The following CSGALNACT1 variants were observed in gnomAD, a reference collection of about 807,000 sequenced individuals.
The protein encoded by CSGALNACT1 is chondroitin sulfate N-acetylgalactosaminyltransferase 1, also known as beta4GalNAcT-1.
In CSGALNACT1, 52 loss-of-function variants were observed where a neutral mutation model predicts 51.0. The ratio of observed to expected loss-of-function variants is 1.02; its 90% CI spans 0.82 to 1.29. The LOEUF is 1.29. Among genes scored for constraint, CSGALNACT1 ranks in the 50% most tolerant of loss-of-function variants. CSGALNACT1 has a pLI of 0.00. For synonymous variants in CSGALNACT1, 341 were observed against 254.4 expected (o/e 1.34, Z -3.24); for missense variants, 935 against 679.2 (o/e 1.38, Z -4.19).
chr8:19,666,760 GAAGAAAGAAAGAAAGAAAGA>G (rs560533569), intron 1 of CSGALNACT1, among the ~76,000 whole-genome samples: 566 of 56,502 alleles, frequency 0.01, 8 homozygotes, highest in Non-Finnish European at 0.012. Context: ...AAGAAAGAAA[GAAGAAAGAAAGAAAGAAAGA>G]AAGAAAGAAA....
At chr8:19,522,662 G>A (rs534306763) in intron 3 of CSGALNACT1, among the ~76,000 whole-genome samples, 125 of 152,320 alleles carry the variant, frequency 8.2e-4, no homozygotes, top group African/African-American at 2.9e-3. Context: ...AGGACTCTGG[G>A]TACACCTTGG....
intron 1 of CSGALNACT1, among the ~76,000 whole-genome samples, chr8:19,661,199 C>T (rs560620477): frequency 6.6e-6 from 1 of 152,218 alleles, no homozygotes; most frequent in South Asian, 2.1e-4. Context: ...GAGGCGTAAG[C>T]CACCACTCCC....
intron 3 of CSGALNACT1, among the ~76,000 whole-genome samples, chr8:19,542,764 C>T (rs529143997): frequency 6.6e-5 from 10 of 152,076 alleles, no homozygotes; most frequent in East Asian, 5.8e-4. Flanking sequence ...ATAGCTGTCA[C>T]GCAAAACAAA....
intron 1 of CSGALNACT1, among the ~76,000 whole-genome samples, chr8:19,727,117 T>C (rs1342150863): frequency 6.6e-6 from 1 of 152,146 alleles, no homozygotes; most frequent in African/African-American, 2.4e-5. Flanking sequence ...GCACCCGACC[T>C]GCTTTTCAAT....
At position 19,406,292 on chromosome 8, in the gene CSGALNACT1, G is replaced by A. The variant is rs147625290; in HGVS notation, c.1310-223C>T. 2.0e-5 allele frequency among the ~76,000 whole-genome samples: 3 copies of A among 151,890 alleles called. No homozygotes were observed. The East Asian group carries it at 5.8e-4, about 30-fold the overall frequency. ...CAGCACCGACTTCTTCAGATGACAG[G>A]ACCTCCAAGAAAATTCCAAGCATTT... On this transcript the variant is annotated intron_variant, in intron 9 of 9. Transcript: ENST00000454498.
In CSGALNACT1 at chr8:19,624,322, T is replaced by C. The variant is rs139446918; in HGVS notation, c.-543-22457A>G. ...AAAAATATTCTGGATTTAAAAAATT[T>C]TGTATTCTCCACCAGTGAAGATCTC... is the stretch of plus-strand genomic sequence containing the variant. On this transcript the variant is annotated intron_variant, in intron 1 of 9. Transcript: ENST00000332246. 6.6e-5 allele frequency among the ~76,000 whole-genome samples: 10 copies of C among 152,358 alleles called. No homozygotes were observed. The East Asian group carries it at 1.9e-3, about 29-fold the overall frequency.
At chr8:19,686,702 A>T (rs779812093), upstream of CSGALNACT1, among the ~76,000 whole-genome samples, 2 of 152,224 alleles carry the variant, frequency 1.3e-5, no homozygotes, top group Non-Finnish European at 2.9e-5. Context: ...GTGCCTAGAT[A>T]GGATAAAATA....
chr8:19,549,468 A>T (rs111618137), intron 3 of CSGALNACT1, among the ~76,000 whole-genome samples: 1 of 152,100 alleles, frequency 6.6e-6, no homozygotes, highest in Non-Finnish European at 1.5e-5. Context: ...CTGATAGATA[A>T]ACAATTAGGT....
Position 19,608,230 on chromosome 8 carries a change from C to G in CSGALNACT1, c.-543-6365G>C, listed in dbSNP as rs114532711. 9.9e-3 allele frequency among the ~76,000 whole-genome samples: 1,512 copies of G among 152,250 alleles called. 22 individuals are homozygous for G. The highest frequency in any genetic ancestry group is 0.034 in the African/African-American group (1,415 of 41,536). Reference sequence around the variant, plus strand: ...GAATAGCTCGTCTAGGATGCATGATCCCAGGCAACAGGGACACCTATACGG... The same window carrying G: ...GAATAGCTCGTCTAGGATGCATGATGCCAGGCAACAGGGACACCTATACGG... On this transcript the variant is annotated intron_variant, in intron 1 of 9. Transcript: ENST00000332246.
intron 3 of CSGALNACT1, among the ~76,000 whole-genome samples, chr8:19,543,788 CTG>C (rs1464900082): frequency 1.3e-5 from 2 of 152,126 alleles, no homozygotes; most frequent in Non-Finnish European, 2.9e-5. Flanking sequence ...TTAATAATAA[CTG>C]TAAGTGCAAC....
chr8:19,437,334 G>A (rs535394175), intron 6 of CSGALNACT1, among the ~76,000 whole-genome samples: 1 of 152,260 alleles, frequency 6.6e-6, no homozygotes, highest in African/African-American at 2.4e-5. Context: ...CTCCCAGTTT[G>A]GCTAGGGAGC....
At chr8:19,446,182 A>G (rs546355653) in intron 5 of CSGALNACT1, among the ~76,000 whole-genome samples, 4 of 152,304 alleles carry the variant, frequency 2.6e-5, no homozygotes, top group East Asian at 1.9e-4. Context: ...CTCAAAATAA[A>G]TAAGTAAGTA....
chr8:19,643,685 T>G (rs1157880167), intron 1 of CSGALNACT1, among the ~76,000 whole-genome samples: 1 of 151,876 alleles, frequency 6.6e-6, no homozygotes, highest in Non-Finnish European at 1.5e-5. Context: ...AGTGAAAATG[T>G]TAATACACAG....
rs550761550 is a variant in CSGALNACT1, at chr8:19,755,703, A to G, written c.-297+2147T>C. Among the ~76,000 whole-genome samples the G allele has an allele frequency of 2.0e-4, 31 of 152,338 alleles. No homozygotes were observed. In the South Asian group the frequency reaches 4.1e-3, roughly 20 times the overall value. On this transcript the variant is annotated intron_variant, in intron 1 of 1. Transcript: ENST00000517494. Reference sequence around the variant, plus strand: ...CAGGTCTCTGGAACAGCAAAGACACAAGCTCACTGCACTGTAATGTAAACG... The same window carrying G: ...CAGGTCTCTGGAACAGCAAAGACACGAGCTCACTGCACTGTAATGTAAACG...
At chr8:19,511,237 G>T (rs1289657768) in intron 3 of CSGALNACT1, among the ~76,000 whole-genome samples, 1 of 152,248 alleles carries the variant, frequency 6.6e-6, no homozygotes, top group African/African-American at 2.4e-5. Flanking sequence ...CACCCCGTGT[G>T]CAGACACAGC....
intron 1 of CSGALNACT1, among the ~76,000 whole-genome samples, chr8:19,722,995 G>A (rs911196877): frequency 4.6e-5 from 7 of 152,114 alleles, no homozygotes; most frequent in African/African-American, 1.7e-4. Flanking sequence ...TTTATTCTAG[G>A]GACAAAGATT....
At chr8:19,725,527 C>A (rs192904810) in intron 1 of CSGALNACT1, among the ~76,000 whole-genome samples, 1 of 150,146 alleles carries the variant, frequency 6.7e-6, no homozygotes, top group Non-Finnish European at 1.5e-5. Context: ...CGGTTTCAAG[C>A]GATTCTCCTG....
In CSGALNACT1 at chr8:19,699,509, C is replaced by A. The variant is rs111477345; in HGVS notation, c.-297+58341G>T. 3.5e-3 allele frequency among the ~76,000 whole-genome samples: 534 copies of A among 152,316 alleles called. 4 individuals carry two copies. The highest frequency in any genetic ancestry group is 0.012 in the African/African-American group (519 of 41,566). ...TATAACACAAGTGAACCATGAGGAT[C>A]TGATGCTGAGTAAAATAAGCCCATC... On this transcript the variant is annotated intron_variant, in intron 1 of 1. Coordinates refer to the CSGALNACT1 transcript ENST00000517494.
chr8:19,657,890 C>G (rs1388839647), intron 1 of CSGALNACT1, among the ~76,000 whole-genome samples: 1 of 151,990 alleles, frequency 6.6e-6, no homozygotes, highest in Non-Finnish European at 1.5e-5. Context: ...GATGGGGTTT[C>G]CAGGCCATTG....
Sources: allele counts gnomAD v4.1 joint callset (sites outside exome capture counted in the v4.1 genomes callset), GRCh38; gene constraint gnomAD v4.1.1; transcripts MANE v1.5; gene names NCBI Gene and HGNC (gene_info 2026-07-23, HGNC 2026-07-21).